Variants in ESRRG observed in about 807,000 individuals in gnomAD.
ESRRG encodes estrogen related receptor gamma, also known as estrogen-related receptor gamma.
Under a neutral mutation model 44.0 loss-of-function variants are expected in ESRRG, and 13 were observed. The ratio of observed to expected loss-of-function variants is 0.30; its 90% CI spans 0.19 to 0.47. The LOEUF is 0.47. Among genes scored for constraint, ESRRG ranks in the 20% least tolerant of loss-of-function variants. ESRRG has a pLI of 1.00. For synonymous variants in ESRRG, 215 were observed against 214.6 expected (o/e 1.00, Z -0.02); for missense variants, 395 against 580.6 (o/e 0.68, Z 3.29).
At chr1:216,865,839 T>C (rs1165553615) in intron 2 of ESRRG, among the ~76,000 whole-genome samples, 1 of 152,216 alleles carries the variant, frequency 6.6e-6, no homozygotes. Context: ...AGTCCCTATA[T>C]TGGATAATAT....
At chr1:216,521,794 C>T (rs1319707400) in intron 5 of ESRRG, among the ~76,000 whole-genome samples, 5 of 152,134 alleles carry the variant, frequency 3.3e-5, no homozygotes, top group Non-Finnish European at 7.4e-5. Flanking sequence ...CAGGGGGGTG[C>T]AGGCATCCAA....
intron 2 of ESRRG, among the ~76,000 whole-genome samples, chr1:216,818,716 G>A (rs2095218239): frequency 6.6e-6 from 1 of 151,966 alleles, no homozygotes; most frequent in Non-Finnish European, 1.5e-5. Context: ...CCATCACCCA[G>A]GTATTAAGCC....
Position 216,715,128 on chromosome 1 carries a change from T to C in ESRRG, c.56+8116A>G, listed in dbSNP as rs575799344. 24 of 985,440 alleles carry C rather than the reference T, an allele frequency of 2.4e-5. No individual in the cohort carries two copies. In the South Asian group the frequency reaches 8.5e-4, roughly 35 times the overall value. The allele number at this position is 985,440 out of a possible 1,614,324, so 61.0% of individuals were successfully genotyped here. On this transcript the variant is annotated intron_variant, in intron 1 of 6. Coordinates refer to ENST00000408911, the MANE Select transcript of ESRRG (RefSeq NM_001438.4). ...TCCAAGAACAGAATGAGCCTTCCTT[T>C]AGATGTGTAGAGCAATAAGATGAAT...
chr1:217,060,929 G>C (rs2151347154), intron 1 of ESRRG, among the ~76,000 whole-genome samples: 1 of 152,026 alleles, frequency 6.6e-6, no homozygotes, highest in African/African-American at 2.4e-5. Context: ...ATATTCCTTA[G>C]AAATAACTAC....
intron 2 of ESRRG, among the ~76,000 whole-genome samples, chr1:216,869,407 T>C (rs2096226656): frequency 6.6e-6 from 1 of 152,140 alleles, no homozygotes. Context: ...TGAGGTCTAT[T>C]GGTAATTGTC....
At chr1:216,683,313 C>T (rs2077360251) in intron 1 of ESRRG, among the ~76,000 whole-genome samples, 1 of 152,208 alleles carries the variant, frequency 6.6e-6, no homozygotes, top group African/African-American at 2.4e-5. Context: ...ACAACTTATG[C>T]ACACATACTT....
chr1:217,131,489 C>G (rs1447038251), intron 1 of ESRRG, among the ~76,000 whole-genome samples: 1 of 152,196 alleles, frequency 6.6e-6, no homozygotes, highest in Non-Finnish European at 1.5e-5. Context: ...CCCACAGAAT[C>G]CAAACATATC....
chr1:216,572,645 CA>C (rs1286789037), intron 3 of ESRRG, among the ~76,000 whole-genome samples: 1 of 151,822 alleles, frequency 6.6e-6, no homozygotes, highest in Non-Finnish European at 1.5e-5. Flanking sequence ...CTCAGAAAAT[CA>C]AATATCAAAT....
At chr1:216,553,651 A>G (rs2056912224) in intron 5 of ESRRG, among the ~76,000 whole-genome samples, 1 of 152,160 alleles carries the variant, frequency 6.6e-6, no homozygotes, top group Non-Finnish European at 1.5e-5. Context: ...TTTATTCATT[A>G]TATTTCTCTC....
At chr1:216,764,740 A>G (rs2092987564) in intron 2 of ESRRG, among the ~76,000 whole-genome samples, 1 of 152,186 alleles carries the variant, frequency 6.6e-6, no homozygotes, top group African/African-American at 2.4e-5. Context: ...AAGAGATCCA[A>G]CAGCGAACAG....
At chr1:216,940,825 C>T (rs901149038) in intron 1 of ESRRG, among the ~76,000 whole-genome samples, 1 of 152,118 alleles carries the variant, frequency 6.6e-6, no homozygotes, top group Non-Finnish European at 1.5e-5. Context: ...AGGTTTCAAT[C>T]CCAAATTCCC....
At chr1:216,948,038 C>CT (rs1279292343) in intron 1 of ESRRG, among the ~76,000 whole-genome samples, 1 of 146,682 alleles carries the variant, frequency 6.8e-6, no homozygotes, top group Non-Finnish European at 1.5e-5. Flanking sequence ...GAAATCATCA[C>CT]TTGAAAGAGA....
In ESRRG at chr1:216,505,645, A is replaced by G. The variant is rs761912791; in HGVS notation, c.*1294T>C. ...GCACTCCTGACAATTCTACGGATCT[A>G]TATCTCATGTGCAGTGCTTATATAT... On this transcript the variant is annotated 3_prime_UTR_variant, in exon 7 of 7. Coordinates refer to ENST00000408911, the MANE Select transcript of ESRRG (RefSeq NM_001438.4). 1.3e-5 allele frequency: 2 copies of G among 152,524 alleles called. No individual in the cohort carries two copies. The highest frequency in any genetic ancestry group is 6.5e-5 in the Admixed American group (1 of 15,284). 9.4% of individuals were successfully genotyped at this position (152,524 alleles called of 1,614,324 possible).
chr1:216,651,133 C>T (rs907081376), intron 2 of ESRRG, 44 bp from the exon 3 acceptor site: 1 of 1,264,308 alleles, frequency 7.9e-7, no homozygotes, highest in Non-Finnish European at 1.2e-6. Flanking sequence ...TTACAAGATC[C>T]AGGAAACATT....
chr1:217,134,330 G>T (rs947273374), intron 1 of ESRRG, among the ~76,000 whole-genome samples: 16 of 152,180 alleles, frequency 1.1e-4, no homozygotes, highest in African/African-American at 3.6e-4. Flanking sequence ...TTGGGGGAAT[G>T]TGGCCAAAAG....
intron 5 of ESRRG, among the ~76,000 whole-genome samples, chr1:216,551,936 C>A (rs959861044): frequency 1.3e-5 from 2 of 152,092 alleles, no homozygotes; most frequent in Admixed American, 1.3e-4. Flanking sequence ...GCCATGTTCC[C>A]CAATCACAAA....
chr1:217,134,928 A>C (rs758025410), intron 1 of ESRRG, among the ~76,000 whole-genome samples: 6 of 152,210 alleles, frequency 3.9e-5, no homozygotes, highest in Non-Finnish European at 7.3e-5. Context: ...CGCTGGAAAA[A>C]GGTGCCGCAG....
At chr1:216,890,175 G>A (rs111473939) in intron 2 of ESRRG, among the ~76,000 whole-genome samples, 3,131 of 152,172 alleles carry the variant, frequency 0.021, 114 homozygotes, top group African/African-American at 0.07. Flanking sequence ...TGGAGTGGGA[G>A]GATCACTTGT....
chr1:216,958,588 A>T (rs1251509042), intron 1 of ESRRG, among the ~76,000 whole-genome samples: 1 of 152,162 alleles, frequency 6.6e-6, no homozygotes, highest in Non-Finnish European at 1.5e-5. Flanking sequence ...TGTTTGTTCA[A>T]GTCTTTTGCC....
Sources: allele counts gnomAD v4.1 joint callset (sites outside exome capture counted in the v4.1 genomes callset), GRCh38; gene constraint gnomAD v4.1.1; transcripts MANE v1.5; gene names NCBI Gene and HGNC (gene_info 2026-07-23, HGNC 2026-07-21).